VTI1A: variants seen among roughly 807,000 people sequenced by gnomAD.
VTI1A encodes the protein vesicle transport through interaction with t-SNAREs homolog 1A.
VTI1A carries 22 observed loss-of-function variants against 34.9 expected under a neutral mutation model. The ratio of observed to expected loss-of-function variants is 0.63; its 90% confidence interval spans 0.45 to 0.90. The LOEUF is 0.90. Ranked by LOEUF, VTI1A falls within the 40% of genes least tolerant of loss-of-function variation. The pLI is 0.00. For missense variants in VTI1A, 268 were observed against 275.6 expected, an observed-to-expected ratio of 0.97 and a Z score of 0.20; for synonymous variants, 87 against 97.3, an observed-to-expected ratio of 0.89 and a Z score of 0.62.
intron 7 of VTI1A, among the ~76,000 whole-genome samples, chr10:112,804,102 C>G (rs1011815076): frequency 6.6e-6 from 1 of 152,212 alleles, no homozygotes; most frequent in Non-Finnish European, 1.5e-5. Context: ...CTAAACCCAT[C>G]GGACTTATCA....
chr10:112,705,642 T>C (rs1182535986), intron 7 of VTI1A, among the ~76,000 whole-genome samples: 1 of 152,182 alleles, frequency 6.6e-6, no homozygotes, highest in African/African-American at 2.4e-5. Flanking sequence ...ATCCAGAACC[T>C]GGTAGCAAGA....
Position 112,447,364 on chromosome 10 carries a change from C to G in VTI1A, c.-10C>G, listed in dbSNP as rs763414180. The G allele has an allele frequency of 6.2e-7, 1 of 1,612,234 alleles. No individual in the cohort carries two copies. Among genetic ancestry groups the G allele is most frequent in the African/African-American group, 1.3e-5 (1 of 74,978 alleles). On this transcript the variant is annotated 5_prime_UTR_variant, in exon 1 of 8. Coordinates refer to ENST00000393077, the MANE Select transcript of VTI1A (RefSeq NM_145206.4). ...AGGCTTTGGCCTGGGCTACTCGTTC[C>G]GGAGCCGCCATGTCGTCCGACTTCG...
chr10:112,614,616 T>G (rs1212387944), intron 5 of VTI1A, among the ~76,000 whole-genome samples: 1 of 152,190 alleles, frequency 6.6e-6, no homozygotes, highest in African/African-American at 2.4e-5. Flanking sequence ...CCAAGAGAGC[T>G]CCTGTATATT....
intron 5 of VTI1A, among the ~76,000 whole-genome samples, chr10:112,571,505 A>G (rs556444711): frequency 2.0e-4 from 30 of 152,318 alleles, no homozygotes; most frequent in African/African-American, 6.0e-4. Context: ...TGGCGATGCT[A>G]TGGAGAAAAG....
intron 7 of VTI1A, among the ~76,000 whole-genome samples, chr10:112,694,362 T>C (rs1186527187): frequency 6.6e-6 from 1 of 151,314 alleles, no homozygotes; most frequent in Non-Finnish European, 1.5e-5. Context: ...CAGGAAGTAT[T>C]TGGATGGATG....
rs1851693235 is a variant in VTI1A at position 112,767,944 on chromosome 10, G to GCCGGACACGTATTAGTTCC, written c.561-47332_561-47331insGTTCCCCGGACACGTATTA. 6.6e-6 allele frequency among the ~76,000 whole-genome samples: 1 copy of GCCGGACACGTATTAGTTCC among 151,742 alleles called. No individual in the cohort carries two copies. The highest frequency in any genetic ancestry group is 6.6e-5 in the Admixed American group (1 of 15,242). ...GCCCAGAGGCACTAGTGTCACAGAAGCCGGACACGTATTACTTCCCCCTTG... is the reference window on the plus strand; with the variant it reads ...GCCCAGAGGCACTAGTGTCACAGAAGCCGGACACGTATTAGTTCCCCGGACACGTATTACTTCCCCCTTG... On this transcript the variant is annotated intron_variant, in intron 7 of 7. Coordinates refer to ENST00000393077, the MANE Select transcript of VTI1A (RefSeq NM_145206.4). This position sits in a 1 kb window ranked among gnomAD's most constrained non-coding sequence, Gnocchi z 4.0.
At chr10:112,808,586 C>T (rs1380467863) in intron 7 of VTI1A, among the ~76,000 whole-genome samples, 11 of 147,832 alleles carry the variant, frequency 7.4e-5, no homozygotes, top group African/African-American at 2.8e-4. Context: ...GATTGCGCCA[C>T]TGCACTCCAG....
intron 3 of VTI1A, among the ~76,000 whole-genome samples, chr10:112,498,568 A>G (rs1199471251): frequency 6.6e-6 from 1 of 152,162 alleles, no homozygotes; most frequent in Non-Finnish European, 1.5e-5. Context: ...TGCTGTGACT[A>G]TTTAGAGGAA....
intron 1 of VTI1A, among the ~76,000 whole-genome samples, chr10:112,458,676 A>AT (rs1345414892): frequency 2.2e-5 from 3 of 135,558 alleles, no homozygotes; most frequent in African/African-American, 2.9e-5. Context: ...TTTTATTTTT[A>AT]TTTTTTTTGA....
At chr10:112,489,215 G>A (rs1009768153) in intron 3 of VTI1A, among the ~76,000 whole-genome samples, 1 of 152,156 alleles carries the variant, frequency 6.6e-6, no homozygotes, top group Non-Finnish European at 1.5e-5. Context: ...AGAACTACTC[G>A]AGTGGATGAT....
At chr10:112,467,220 GT>G (rs954851743) in intron 3 of VTI1A, among the ~76,000 whole-genome samples, 45 of 150,858 alleles carry the variant, frequency 3.0e-4, no homozygotes, top group Non-Finnish European at 5.3e-4. Context: ...AGTCTTTTTT[GT>G]TTCTCAAAGA....
the VTI1A span, chr10:112,827,462 A>T: frequency 6.6e-6 from 1 of 152,128 alleles, no homozygotes; most frequent in Admixed American, 6.5e-5. Context: ...CCTACATCTC[A>T]TTCAGGCATT....
intron 5 of VTI1A, among the ~76,000 whole-genome samples, chr10:112,632,738 G>A (rs774409641): frequency 2.0e-5 from 3 of 152,216 alleles, no homozygotes; most frequent in Admixed American, 1.3e-4. Flanking sequence ...AGTTGGGTGA[G>A]TACAGTGTTC....
chr10:112,803,153 C>G (rs547525495), intron 7 of VTI1A, among the ~76,000 whole-genome samples: 1 of 152,308 alleles, frequency 6.6e-6, no homozygotes, highest in South Asian at 2.1e-4. Flanking sequence ...ATTGCAACCT[C>G]TGCCTCCTGG....
intron 5 of VTI1A, among the ~76,000 whole-genome samples, chr10:112,565,225 T>C (rs1851870085): frequency 6.6e-6 from 1 of 152,156 alleles, no homozygotes; most frequent in African/African-American, 2.4e-5. Flanking sequence ...GATTTAAAAT[T>C]TGTAGTGTAT....
chr10:112,463,602 A>T (rs1479230609), intron 2 of VTI1A, among the ~76,000 whole-genome samples: 1 of 152,158 alleles, frequency 6.6e-6, no homozygotes, highest in African/African-American at 2.4e-5. Context: ...TGTTGTATCC[A>T]AAGTGTTATC....
chr10:112,742,335 G>T (rs560010272), intron 7 of VTI1A, among the ~76,000 whole-genome samples: 105 of 152,306 alleles, frequency 6.9e-4, no homozygotes, highest in African/African-American at 2.0e-3. Flanking sequence ...TATTTTAGAT[G>T]TGACATGTGT....
intron 7 of VTI1A, among the ~76,000 whole-genome samples, chr10:112,716,774 A>G (rs933947733): frequency 1.3e-5 from 2 of 152,164 alleles, no homozygotes; most frequent in Admixed American, 6.5e-5. Flanking sequence ...GTTATTTTGC[A>G]TATATTCCCA....
intron 1 of VTI1A, among the ~76,000 whole-genome samples, chr10:112,451,222 A>G (rs1397043086): frequency 6.6e-6 from 1 of 152,208 alleles, no homozygotes; most frequent in Non-Finnish European, 1.5e-5. Flanking sequence ...TGTCTCCTCC[A>G]TCGGTAGAAT....
Sources: gnomAD v4.1 joint callset for allele counts (sites outside exome capture counted in the v4.1 genomes callset) on GRCh38, gnomAD v4.1.1 for gene constraint, Gnocchi (gnomAD v3.1) non-coding constraint, MANE v1.5 for transcripts, NCBI Gene and HGNC (gene_info 2026-07-23, HGNC 2026-07-21) for gene names.